PRKCA: variants seen among roughly 807,000 people sequenced by gnomAD.
PRKCA encodes the protein protein kinase C alpha type.
A neutral mutation model predicts 87.0 loss-of-function variants in PRKCA; 27 were observed. That is an observed-to-expected ratio of 0.31 (90% CI 0.23 to 0.43). PRKCA has a LOEUF of 0.43. Ranked by LOEUF, PRKCA falls within the 20% of genes least tolerant of loss-of-function variation. The pLI is 1.00. For synonymous variants in PRKCA, 329 were observed against 311.1 expected, an observed-to-expected ratio of 1.06 and a Z score of -0.61; for missense variants, 518 against 852.3, an observed-to-expected ratio of 0.61 and a Z score of 4.88.
intron 2 of PRKCA, among the ~76,000 whole-genome samples, chr17:66,483,643 A>T (rs1243516551): frequency 6.6e-6 from 1 of 151,750 alleles, no homozygotes; most frequent in African/African-American, 2.4e-5. Context: ...TTGTATTTTT[A>T]GTAGAGACAG....
At chr17:66,550,760 C>T (rs1295798731) in intron 3 of PRKCA, among the ~76,000 whole-genome samples, 3 of 152,120 alleles carry the variant, frequency 2.0e-5, no homozygotes, top group Non-Finnish European at 4.4e-5. Context: ...CATTAAATGT[C>T]CGTTCATTCA....
intron 3 of PRKCA, among the ~76,000 whole-genome samples, chr17:66,629,319 G>A (rs1970944610): frequency 6.6e-6 from 1 of 152,166 alleles, no homozygotes; most frequent in South Asian, 2.1e-4. Flanking sequence ...TGAACTTCAT[G>A]ACAAAAATGA....
At chr17:66,676,513 T>G (rs1972338011) in intron 5 of PRKCA, 2 of 152,242 alleles carry the variant, frequency 1.3e-5, no homozygotes, top group South Asian at 4.1e-4. Context: ...ACATGTTCCT[T>G]TAAGATCCCT....
chr17:66,671,749 G>A (rs916536267), intron 5 of PRKCA, among the ~76,000 whole-genome samples: 9 of 152,324 alleles, frequency 5.9e-5, no homozygotes, highest in Middle Eastern at 6.8e-3. Flanking sequence ...GGAGAAAGCC[G>A]AGTCGGGGGC....
intron 2 of PRKCA, among the ~76,000 whole-genome samples, chr17:66,442,001 C>A (rs1162552225): frequency 6.6e-6 from 1 of 151,876 alleles, no homozygotes; most frequent in Non-Finnish European, 1.5e-5. Context: ...TTTAGGGCCC[C>A]AACTCTGCCA....
At chr17:66,742,885 A>G (rs996955542) in intron 13 of PRKCA, 125 bp downstream of exon 13, 42 of 1,017,838 alleles carry the variant, frequency 4.1e-5, no homozygotes, top group Middle Eastern at 3.0e-4. Flanking sequence ...TAAATGGACT[A>G]AACTGGACAA....
chr17:66,553,432 G>A (rs1471943490), intron 3 of PRKCA, among the ~76,000 whole-genome samples: 1 of 152,076 alleles, frequency 6.6e-6, no homozygotes, highest in African/African-American at 2.4e-5. Flanking sequence ...TCCTACTGAC[G>A]TTTTGGAATA....
At chr17:66,433,576 G>T (rs1274881323) in intron 2 of PRKCA, among the ~76,000 whole-genome samples, 6 of 151,978 alleles carry the variant, frequency 3.9e-5, no homozygotes, top group South Asian at 2.1e-4. Flanking sequence ...ACAGAGTCTT[G>T]CTCTGTCACC....
intron 14 of PRKCA, among the ~76,000 whole-genome samples, chr17:66,782,479 A>C (rs1008184603): frequency 6.6e-6 from 1 of 152,148 alleles, no homozygotes; most frequent in African/African-American, 2.4e-5. Context: ...TTGGGGAAGC[A>C]ACACAGAAGC....
At chr17:66,416,961 C>A in intron 2 of PRKCA, 1 of 155,834 alleles carries the variant, frequency 6.4e-6, no homozygotes, top group Non-Finnish European at 1.4e-5. Context: ...TGCAATGGCG[C>A]GATCTCGGCT....
At chr17:66,683,685 C>T (rs1049012882) in intron 5 of PRKCA, among the ~76,000 whole-genome samples, 9 of 152,190 alleles carry the variant, frequency 5.9e-5, no homozygotes, top group Middle Eastern at 3.4e-3. Flanking sequence ...CTGCAGCCTC[C>T]GCCTCCTGGG....
chr17:66,712,747 C>T (rs1451848105), intron 8 of PRKCA, among the ~76,000 whole-genome samples: 2 of 152,184 alleles, frequency 1.3e-5, no homozygotes, highest in African/African-American at 2.4e-5. Context: ...TCCAATATTT[C>T]ATAGCTGTAT....
At chr17:66,511,929 C>A (rs1917251857) in intron 3 of PRKCA, among the ~76,000 whole-genome samples, 1 of 152,082 alleles carries the variant, frequency 6.6e-6, no homozygotes, top group Non-Finnish European at 1.5e-5. Context: ...GTTCTACCCC[C>A]CTCAGCCTTC....
At chr17:66,440,905 G>A (rs1422432752) in intron 2 of PRKCA, among the ~76,000 whole-genome samples, 1 of 152,112 alleles carries the variant, frequency 6.6e-6, no homozygotes, top group Non-Finnish European at 1.5e-5. Context: ...GCTCATGCCT[G>A]TAATCCCAGC....
intron 2 of PRKCA, among the ~76,000 whole-genome samples, chr17:66,393,641 CGTGTGT>C (rs111480827): frequency 9.9e-4 from 146 of 148,176 alleles, no homozygotes; most frequent in Non-Finnish European, 1.6e-3. Context: ...TGTGTGTGCA[CGTGTGT>C]GTGTGTGTGT....
intron 3 of PRKCA, among the ~76,000 whole-genome samples, chr17:66,555,228 A>T (rs1419367724): frequency 6.6e-6 from 1 of 152,210 alleles, no homozygotes; most frequent in Non-Finnish European, 1.5e-5. Context: ...CTGTGCAGTC[A>T]GCACAGCATT....
In PRKCA at chr17:66,788,851, C is replaced by T. The variant is rs1272799772; in HGVS notation, c.1726C>T (p.His576Tyr). The change falls in exon 16 of 17, where the codon CAC (histidine) becomes TAC (tyrosine). Residue 576 changes from histidine to tyrosine, a missense_variant. By Grantham distance (83) the His-to-Tyr change is moderately conservative. Transcript: ENST00000413366. ...VSVCKGLMTK[H>Y]PAKRLGCGPE... ...TTTTCCTTTCTAGCTGATGACCAAA[C>T]ACCCAGCCAAGCGGCTGGGCTGTGG... 1 of 1,612,766 alleles carries T rather than the reference C, an allele frequency of 6.2e-7. No homozygotes were observed. The highest frequency in any genetic ancestry group is 2.2e-5 in the East Asian group (1 of 44,864).
At chr17:66,653,607 G>A (rs1446993454) in intron 5 of PRKCA, among the ~76,000 whole-genome samples, 1 of 152,090 alleles carries the variant, frequency 6.6e-6, no homozygotes, top group Non-Finnish European at 1.5e-5. Context: ...AATAGTAGTT[G>A]TGGGCACAGT....
intron 3 of PRKCA, chr17:66,639,320 G>A (rs1419137402): frequency 1.3e-5 from 2 of 152,208 alleles, no homozygotes; most frequent in East Asian, 1.9e-4. Flanking sequence ...AAGCAGGGTC[G>A]GGTCCGGTTA....
Sources: allele counts gnomAD v4.1 joint callset (sites outside exome capture counted in the v4.1 genomes callset), GRCh38; gene constraint gnomAD v4.1.1; transcripts MANE v1.5; gene names NCBI Gene and HGNC (gene_info 2026-07-23, HGNC 2026-07-21).